SYN3: variants seen among roughly 807,000 people sequenced by gnomAD.
SYN3 encodes synapsin-3.
In SYN3, 35 loss-of-function variants were observed where a neutral mutation model predicts 65.8. The ratio of observed to expected loss-of-function variants is 0.53; its 90% CI spans 0.41 to 0.70. The LOEUF (loss-of-function observed/expected upper bound fraction) is 0.70. Ranked by LOEUF, SYN3 falls within the 30% of genes least tolerant of loss-of-function variation. The pLI is 0.00. For synonymous variants in SYN3, 270 were observed against 292.9 expected (o/e 0.92, Z 0.80); for missense variants, 680 against 749.0 (o/e 0.91, Z 1.08).
chr22:33,008,400 C>A (rs948860777), intron 1 of SYN3, among the ~76,000 whole-genome samples: 2 of 152,220 alleles, frequency 1.3e-5, no homozygotes, highest in African/African-American at 2.4e-5. Context: ...CATCTCCTAA[C>A]AGGCAAATAC....
In SYN3 at chr22:32,773,406, C is replaced by CAA. The variant is rs61583056; in HGVS notation, c.711+91507_711+91508dup. Among the ~76,000 whole-genome samples the CAA allele has an allele frequency of 2.2e-4, 20 of 91,154 alleles. 1 individual carries two copies. Among genetic ancestry groups the CAA allele is most frequent in the East Asian group, 6.8e-4 (2 of 2,956 alleles). The allele number at this position is 91,154 out of a possible 152,430, so 59.8% of individuals were successfully genotyped here. The stretch of plus-strand genomic sequence containing the variant: ...TGGGCAACGGAGCCAGACTCTGTCT[C>CAA]AAAAAAAAAAAAAAAAAAAAAAAAA... On this transcript the variant is annotated intron_variant, in intron 6 of 13. Transcript: ENST00000358763.
At chr22:32,584,044 CTTTA>C (rs2058987744) in intron 7 of SYN3, 1 of 152,242 alleles carries the variant, frequency 6.6e-6, no homozygotes, top group African/African-American at 2.4e-5. Context: ...TGTCCCATGA[CTTTA>C]CTCTGCACTC....
chr22:33,010,328 C>T (rs562740908), intron 1 of SYN3, among the ~76,000 whole-genome samples: 105 of 151,984 alleles, frequency 6.9e-4, no homozygotes, highest in African/African-American at 2.4e-3. Context: ...CTGTTGAGGT[C>T]GGGGATCCAA....
At chr22:32,789,307 T>C (rs1006834367) in intron 6 of SYN3, among the ~76,000 whole-genome samples, 1 of 152,242 alleles carries the variant, frequency 6.6e-6, no homozygotes, top group Non-Finnish European at 1.5e-5. Context: ...AGTTTGTTGA[T>C]GTGACATCAA....
chr22:32,868,843 T>C, intron 5 of SYN3, 123 bp downstream of exon 5: 1 of 747,806 alleles, frequency 1.3e-6, no homozygotes, highest in Non-Finnish European at 2.0e-6. Flanking sequence ...CAAGTTCAGT[T>C]CAGTTGCTTA....
At chr22:32,964,805 G>A (rs1302839650) in intron 3 of SYN3, among the ~76,000 whole-genome samples, 2 of 152,094 alleles carry the variant, frequency 1.3e-5, no homozygotes, top group Admixed American at 6.6e-5. Context: ...AACCCTTGAT[G>A]CCCCATGACA....
intron 7 of SYN3, among the ~76,000 whole-genome samples, chr22:32,570,286 G>C (rs2058741476): frequency 6.6e-6 from 1 of 152,144 alleles, no homozygotes; most frequent in Non-Finnish European, 1.5e-5. Flanking sequence ...CCAGGGGATG[G>C]CTAGACTCCT....
At chr22:32,725,601 A>C (rs911862704) in intron 6 of SYN3, among the ~76,000 whole-genome samples, 3 of 152,014 alleles carry the variant, frequency 2.0e-5, no homozygotes, top group Non-Finnish European at 4.4e-5. Flanking sequence ...TGAGAGGAGG[A>C]GATGTGATGA....
chr22:32,988,431 T>C (rs144368156), intron 2 of SYN3, among the ~76,000 whole-genome samples: 17 of 151,640 alleles, frequency 1.1e-4, no homozygotes, highest in African/African-American at 4.1e-4. Flanking sequence ...GCAGGGGAAA[T>C]TGGACTTCAG....
chr22:32,892,523 G>C (rs987978618), intron 4 of SYN3, among the ~76,000 whole-genome samples: 4 of 152,198 alleles, frequency 2.6e-5, no homozygotes, highest in Non-Finnish European at 4.4e-5. Context: ...TGCTGTGAAG[G>C]AAACGAGACT....
At chr22:32,888,052 T>C (rs1280413553) in intron 4 of SYN3, among the ~76,000 whole-genome samples, 1 of 152,190 alleles carries the variant, frequency 6.6e-6, no homozygotes, top group African/African-American at 2.4e-5. Context: ...TTATAGTTTT[T>C]ATTTTTATTT....
chr22:32,507,864 T>C lies in SYN3; in HGVS notation c.*5828A>G, dbSNP rs144948985. Among the ~76,000 whole-genome samples, 1 of 151,632 alleles carries C rather than the reference T, an allele frequency of 6.6e-6. No individual in the cohort carries two copies. The highest frequency in any genetic ancestry group is 2.4e-5 in the African/African-American group (1 of 41,070). On this transcript the variant is annotated 3_prime_UTR_variant, in exon 14 of 14. Transcript: ENST00000358763. The stretch of plus-strand genomic sequence containing the variant: ...TACACAACAAATGTTTCTTCTAACA[T>C]CCCCACAATATCACCCCTTACCACG...
intron 2 of SYN3, among the ~76,000 whole-genome samples, chr22:33,001,659 A>G (rs889284261): frequency 5.3e-5 from 8 of 152,330 alleles, no homozygotes; most frequent in South Asian, 2.1e-4. Flanking sequence ...ATATACACTT[A>G]TGCAGTACTT....
chr22:33,018,545 G>A (rs2053508932), intron 1 of SYN3, among the ~76,000 whole-genome samples: 1 of 152,172 alleles, frequency 6.6e-6, no homozygotes, highest in Non-Finnish European at 1.5e-5. Context: ...CACTGGGAAA[G>A]GTTAAATAAA....
intron 2 of SYN3, among the ~76,000 whole-genome samples, chr22:32,988,307 A>AATAATAATAATAAT: frequency 7.0e-6 from 1 of 142,610 alleles, no homozygotes; most frequent in South Asian, 2.3e-4. Flanking sequence ...CTCTGTCTCA[A>AATAATAATAATAAT]AATAATAATA....
chr22:32,676,432 A>T (rs930935030), intron 6 of SYN3, among the ~76,000 whole-genome samples: 3 of 151,616 alleles, frequency 2.0e-5, no homozygotes, highest in Non-Finnish European at 2.9e-5. Context: ...AGGTGTGTGG[A>T]CAGGGCCCTG....
chr22:32,653,763 T>G (rs953798414), intron 6 of SYN3, among the ~76,000 whole-genome samples: 2 of 152,218 alleles, frequency 1.3e-5, no homozygotes, highest in African/African-American at 4.8e-5. Flanking sequence ...TTTGTAACTT[T>G]GAGAAAATGG....
intron 6 of SYN3, among the ~76,000 whole-genome samples, chr22:32,722,910 G>A (rs995329432): frequency 6.6e-6 from 1 of 152,226 alleles, no homozygotes. Flanking sequence ...AAAAGCCTAT[G>A]TTACGAGACT....
At chr22:32,523,581 G>A (rs1438927993) in intron 12 of SYN3, among the ~76,000 whole-genome samples, 2 of 152,126 alleles carry the variant, frequency 1.3e-5, no homozygotes, top group Non-Finnish European at 1.5e-5. Flanking sequence ...TGTTCTGGCT[G>A]CCCCATTTAC....
Sources: allele counts gnomAD v4.1 joint callset (sites outside exome capture counted in the v4.1 genomes callset), GRCh38; gene constraint gnomAD v4.1.1; transcripts MANE v1.5; gene names NCBI Gene and HGNC (gene_info 2026-07-23, HGNC 2026-07-21).